Variants in BABAM2 observed in about 807,000 individuals in gnomAD.
BABAM2 encodes BRISC and BRCA1 A complex member 2.
BABAM2 carries 31 observed loss-of-function variants against 54.7 expected under a neutral mutation model. The observed-to-expected ratio is 0.57, with a 90% confidence interval of 0.43 to 0.77. BABAM2 has a LOEUF of 0.77. Ranked by LOEUF, BABAM2 falls within the 30% of genes least tolerant of loss-of-function variation. The pLI is 0.00. For missense variants in BABAM2, 364 were observed against 455.8 expected, an observed-to-expected ratio of 0.80 and a Z score of 1.83; for synonymous variants, 167 against 162.9, an observed-to-expected ratio of 1.03 and a Z score of -0.19.
At chr2:28,230,750 A>G (rs1044841814) in intron 7 of BABAM2, among the ~76,000 whole-genome samples, 2 of 151,766 alleles carry the variant, frequency 1.3e-5, no homozygotes, top group Non-Finnish European at 2.9e-5. Context: ...AAGTAAGAAA[A>G]CAAAACTGGA....
Position 28,225,358 on chromosome 2 carries a change from G to A in BABAM2, c.681-11844G>A, listed in dbSNP as rs574303818. Reference sequence around the variant, plus strand: ...ATCAGACTGAACACGGTTAACACCAGCCAGCCCTGCAGGCATCAGAATCCA... The same window carrying A: ...ATCAGACTGAACACGGTTAACACCAACCAGCCCTGCAGGCATCAGAATCCA... On this transcript the variant is annotated intron_variant, in intron 7 of 11. Coordinates refer to ENST00000379624, the MANE Select transcript of BABAM2 (RefSeq NM_199191.3). Among the ~76,000 whole-genome samples the A allele has an allele frequency of 2.0e-5, 3 of 152,326 alleles. No individual in the cohort carries two copies. The South Asian group carries it at 6.2e-4, about 32-fold the overall frequency.
intron 5 of BABAM2, among the ~76,000 whole-genome samples, chr2:28,035,396 C>T (rs1295326584): frequency 6.6e-6 from 1 of 152,154 alleles, no homozygotes. Context: ...TCATGCCAGT[C>T]AGCCATATAT....
At chr2:28,243,519 T>C (rs1359294967) in intron 9 of BABAM2, among the ~76,000 whole-genome samples, 1 of 150,496 alleles carries the variant, frequency 6.6e-6, no homozygotes, top group African/African-American at 2.5e-5. Flanking sequence ...GCAACAGAGC[T>C]AGACTCCATC....
chr2:27,950,105 C>T (rs1669593022), intron 3 of BABAM2, among the ~76,000 whole-genome samples: 1 of 152,140 alleles, frequency 6.6e-6, no homozygotes, highest in Non-Finnish European at 1.5e-5. Flanking sequence ...TCAGAGAAAT[C>T]AACTGTGGAA....
chr2:28,048,292 A>G (rs1677749068), intron 6 of BABAM2, among the ~76,000 whole-genome samples: 1 of 152,198 alleles, frequency 6.6e-6, no homozygotes, highest in South Asian at 2.1e-4. Flanking sequence ...TTGCCCACTA[A>G]TAGAATTATT....
rs1666580508 is a variant in BABAM2, at chr2:28,095,925, C to T, written c.571-33346C>T. On this transcript the variant is annotated intron_variant, in intron 6 of 11. Transcript: ENST00000379624. Reference sequence around the variant, plus strand: ...AGTACTCTCTGTAGTCCAAAATAGACATTAGTGGCCTCTCTTTATAGATGA... The same window carrying T: ...AGTACTCTCTGTAGTCCAAAATAGATATTAGTGGCCTCTCTTTATAGATGA... Among the ~76,000 whole-genome samples the T allele has an allele frequency of 3.3e-5, 5 of 152,266 alleles. No homozygotes were observed. In the South Asian group the frequency reaches 1.0e-3, roughly 32 times the overall value.
chr2:28,053,000 G>A (rs752534496), intron 6 of BABAM2, among the ~76,000 whole-genome samples: 7 of 152,130 alleles, frequency 4.6e-5, no homozygotes, highest in Non-Finnish European at 7.4e-5. Flanking sequence ...AGCCCATTTA[G>A]CATTACATGT....
At chr2:28,318,331 C>T (rs1246075828) in intron 11 of BABAM2, among the ~76,000 whole-genome samples, 1 of 152,236 alleles carries the variant, frequency 6.6e-6, no homozygotes, top group East Asian at 1.9e-4. Flanking sequence ...TTTATTGGAA[C>T]ACAGCCATAC....
chr2:28,073,377 A>G (rs376533797), intron 6 of BABAM2, among the ~76,000 whole-genome samples: 3 of 152,140 alleles, frequency 2.0e-5, no homozygotes, highest in Non-Finnish European at 4.4e-5. Context: ...GTGCTTCTGT[A>G]GTCCCAGCTA....
At chr2:28,106,606 A>T (rs1366382250) in intron 6 of BABAM2, among the ~76,000 whole-genome samples, 1 of 152,154 alleles carries the variant, frequency 6.6e-6, no homozygotes, top group Non-Finnish European at 1.5e-5. Flanking sequence ...CACAGAGGTG[A>T]TGTTATATAT....
chr2:28,275,949 T>A (rs1325666877), intron 10 of BABAM2, among the ~76,000 whole-genome samples: 1 of 151,802 alleles, frequency 6.6e-6, no homozygotes, highest in African/African-American at 2.4e-5. Flanking sequence ...AAATCATATG[T>A]TTTTTAAAAC....
At chr2:27,978,779 A>G (rs1671781196) in intron 3 of BABAM2, among the ~76,000 whole-genome samples, 1 of 152,032 alleles carries the variant, frequency 6.6e-6, no homozygotes, top group Non-Finnish European at 1.5e-5. Context: ...GTTTTTGACC[A>G]TCACCCTCCT....
intron 6 of BABAM2, among the ~76,000 whole-genome samples, chr2:28,052,824 A>G (rs773412272): frequency 1.3e-5 from 2 of 152,214 alleles, no homozygotes; most frequent in Non-Finnish European, 2.9e-5. Flanking sequence ...TAAAGATTGA[A>G]TAAGTTGGCA....
intron 3 of BABAM2, among the ~76,000 whole-genome samples, chr2:27,983,941 C>CTTTTTTTTTTTTTTTTT (rs1672197160): frequency 2.6e-4 from 2 of 7,662 alleles, no homozygotes; most frequent in African/African-American, 1.4e-3. Flanking sequence ...ACATTTTGTA[C>CTTTTTTTTTTTTTTTTT]CTTTTTTTTT....
intron 7 of BABAM2, among the ~76,000 whole-genome samples, chr2:28,228,101 C>T (rs1681053907): frequency 6.6e-6 from 1 of 152,160 alleles, no homozygotes; most frequent in Non-Finnish European, 1.5e-5. Context: ...TGTAAAAACT[C>T]AAGCAAGGAG....
chr2:28,275,679 G>A (rs1006314084), intron 10 of BABAM2, among the ~76,000 whole-genome samples: 7 of 152,082 alleles, frequency 4.6e-5, no homozygotes, highest in Non-Finnish European at 7.3e-5. Context: ...TGGGTCTCTC[G>A]TCAAAAATGT....
chr2:28,245,384 TA>T (rs758327196), intron 10 of BABAM2, among the ~76,000 whole-genome samples: 39 of 152,204 alleles, frequency 2.6e-4, no homozygotes, highest in Non-Finnish European at 2.5e-4. Context: ...ACAACTTTGA[TA>T]AAATGTAATA....
At chr2:28,294,604 A>T (rs1361098450) in intron 10 of BABAM2, among the ~76,000 whole-genome samples, 1 of 152,098 alleles carries the variant, frequency 6.6e-6, no homozygotes, top group Non-Finnish European at 1.5e-5. Flanking sequence ...GCAAGTTTTA[A>T]TTTTTTTAAT....
At chr2:27,974,381 A>G (rs1671442767) in intron 3 of BABAM2, among the ~76,000 whole-genome samples, 1 of 152,184 alleles carries the variant, frequency 6.6e-6, no homozygotes, top group Non-Finnish European at 1.5e-5. Flanking sequence ...TTATCTATGT[A>G]TGTATACAAG....
Sources: allele counts gnomAD v4.1 joint callset (sites outside exome capture counted in the v4.1 genomes callset), GRCh38; gene constraint gnomAD v4.1.1; transcripts MANE v1.5; gene names NCBI Gene and HGNC (gene_info 2026-07-23, HGNC 2026-07-21).